The following BFSP2 variants were observed in gnomAD, a reference collection of about 807,000 sequenced individuals.
BFSP2 encodes the protein phakinin.
Under a neutral mutation model 44.9 loss-of-function variants are expected in BFSP2, and 38 were observed. The observed-to-expected ratio is 0.85, with a 90% confidence interval of 0.65 to 1.11. The LOEUF is 1.11. Ranked by LOEUF, BFSP2 falls within the 50% of genes least tolerant of loss-of-function variation. The probability of loss-of-function intolerance (pLI) is 0.00; values close to 1 mark genes in which losing one functional copy is unlikely to be tolerated. For synonymous variants in BFSP2, 197 were observed against 209.9 expected (o/e 0.94, Z 0.53); for missense variants, 525 against 533.0 (o/e 0.99, Z 0.15).
At chr3:133,460,760 A>G (rs142923992) in intron 4 of BFSP2, among the ~76,000 whole-genome samples, 1 of 152,356 alleles carries the variant, frequency 6.6e-6, no homozygotes, top group East Asian at 1.9e-4. Flanking sequence ...ACCTTTCTCC[A>G]TGAACAGCAC....
intron 3 of BFSP2, chr3:133,449,011 A>T: frequency 4.0e-6 from 1 of 249,292 alleles, no homozygotes; most frequent in Non-Finnish European, 7.9e-6. Flanking sequence ...CTGAGGGTAG[A>T]TCCAAGCTGT....
chr3:133,428,482 CA>C lies in BFSP2; in HGVS notation c.490-18824del, dbSNP rs35104282. Among the ~76,000 whole-genome samples, 369 of 147,168 alleles carry C rather than the reference CA, an allele frequency of 2.5e-3. 3 individuals carry two copies. The highest frequency in any genetic ancestry group is 8.5e-3 in the African/African-American group (338 of 39,992). Reference sequence around the variant, plus strand: ...ACGTGGGGACACAAAAAAATAGTTCCAAAAAAAAAAAGAGGATGGGTCAGAG... The same window carrying C: ...ACGTGGGGACACAAAAAAATAGTTCCAAAAAAAAAAGAGGATGGGTCAGAG... On this transcript the variant is annotated intron_variant, in intron 1 of 6. Coordinates refer to ENST00000302334, the MANE Select transcript of BFSP2 (RefSeq NM_003571.4).
intron 1 of BFSP2, among the ~76,000 whole-genome samples, chr3:133,422,822 CAG>C (rs1491354209): frequency 3.6e-5 from 2 of 55,112 alleles, no homozygotes; most frequent in Non-Finnish European, 8.3e-5. Flanking sequence ...ACTGTCCGGA[CAG>C]GGGGGTTGCC....
At chr3:133,454,622 T>C (rs2073996614) in intron 4 of BFSP2, among the ~76,000 whole-genome samples, 1 of 152,140 alleles carries the variant, frequency 6.6e-6, no homozygotes, top group Admixed American at 6.5e-5. Context: ...AAGTAGATAG[T>C]TTGCTAGAAC....
chr3:133,417,302 G>C (rs1346144801), intron 1 of BFSP2, among the ~76,000 whole-genome samples: 1 of 64,030 alleles, frequency 1.6e-5, no homozygotes, highest in Non-Finnish European at 3.0e-5. Context: ...GCTCACCCCT[G>C]TCCTCACCCC....
intron 5 of BFSP2, among the ~76,000 whole-genome samples, chr3:133,471,962 G>A (rs1046271738): frequency 6.6e-6 from 1 of 152,098 alleles, no homozygotes. Flanking sequence ...AAGCCCCGGA[G>A]AACAAGATTT....
chr3:133,472,414 G>T lies in BFSP2; in HGVS notation c.1093G>T (p.Ala365Ser), dbSNP rs767509031. ...WHDMELQNLG[A>S]VVGRLEAELR... ...TGACATGGAGCTCCAGAACCTGGGC[G>T]CTGTGGTCGGCCGGCTGGAGGCGGA... The change falls in exon 6 of 7, where the codon GCT (alanine) becomes TCT (serine). Residue 365 changes from alanine (A) to serine (S), a missense_variant. By Grantham distance (99) the Ala-to-Ser change is moderately conservative. Coordinates refer to ENST00000302334, the MANE Select transcript of BFSP2 (RefSeq NM_003571.4). 6 of 1,614,094 alleles carry T rather than the reference G, an allele frequency of 3.7e-6. No individual in the cohort carries two copies. The Admixed American group carries it at 8.3e-5, about 22-fold the overall frequency.
chr3:133,446,640 A>G (rs1019731353), intron 1 of BFSP2, among the ~76,000 whole-genome samples: 27 of 87,490 alleles, frequency 3.1e-4, no homozygotes, highest in African/African-American at 1.3e-3. Context: ...ATATATATAT[A>G]AAGGAGTTTC....
intron 2 of BFSP2, 44 bp downstream of exon 2, chr3:133,447,443 A>T: frequency 6.3e-7 from 1 of 1,577,892 alleles, no homozygotes; most frequent in South Asian, 1.1e-5. Context: ...ACATCCCTAG[A>T]CTCCTAGGCA....
In BFSP2 at chr3:133,457,302, C is replaced by T. The variant is rs116396280; in HGVS notation, c.891+6838C>T. On this transcript the variant is annotated intron_variant, in intron 4 of 6. Coordinates refer to ENST00000302334, the MANE Select transcript of BFSP2 (RefSeq NM_003571.4). Reference sequence around the variant, plus strand: ...CCGAAGCATCTTCATATCTCTGAATCTCACAGAGAGCTTCACAAAAGGGCC... The same window carrying T: ...CCGAAGCATCTTCATATCTCTGAATTTCACAGAGAGCTTCACAAAAGGGCC... Among the ~76,000 whole-genome samples, 442 of 152,324 alleles carry T rather than the reference C, an allele frequency of 2.9e-3. 4 individuals are homozygous for T. The highest frequency in any genetic ancestry group is 0.01 in the African/African-American group (418 of 41,586).
chr3:133,475,059 C>G lies in BFSP2; in HGVS notation c.*87C>G. Reference sequence around the variant, plus strand: ...TGCTTGAGGAGCTTTCTCCTGAGCTCCAGTCCCTGCTGGATTCCCTGGTTA... The same window carrying G: ...TGCTTGAGGAGCTTTCTCCTGAGCTGCAGTCCCTGCTGGATTCCCTGGTTA... On this transcript the variant is annotated 3_prime_UTR_variant, in exon 7 of 7. Transcript: ENST00000302334. 1 of 1,547,374 alleles carries G rather than the reference C, an allele frequency of 6.5e-7. No individual in the cohort carries two copies.
intron 1 of BFSP2, among the ~76,000 whole-genome samples, chr3:133,402,389 A>C (rs1031907661): frequency 6.6e-6 from 1 of 152,176 alleles, no homozygotes; most frequent in Non-Finnish European, 1.5e-5. Flanking sequence ...TCTGTAGACA[A>C]ATAAGAGCCT....
At chr3:133,426,723 C>A (rs2073657346) in intron 1 of BFSP2, among the ~76,000 whole-genome samples, 1 of 152,208 alleles carries the variant, frequency 6.6e-6, no homozygotes, top group South Asian at 2.1e-4. Context: ...AGCCTAGAAG[C>A]ACATGGCAGA....
chr3:133,447,265 A>T, intron 1 of BFSP2, 52 bp from the exon 2 acceptor site: 1 of 1,596,150 alleles, frequency 6.3e-7, no homozygotes, highest in South Asian at 1.1e-5. Context: ...GTGGTAAGTG[A>T]TCTTGACGCT....
At chr3:133,427,197 A>G (rs2073662287) in intron 1 of BFSP2, among the ~76,000 whole-genome samples, 2 of 152,240 alleles carry the variant, frequency 1.3e-5, no homozygotes, top group African/African-American at 4.8e-5. Flanking sequence ...GCCCTTCTAA[A>G]GAATTTCCAA....
rs149345391 is a variant in BFSP2 at position 133,421,722 on chromosome 3, T to C, written c.489+21150T>C. On this transcript the variant is annotated intron_variant, in intron 1 of 6. Transcript: ENST00000302334. ...TCCTGATTCCCAACATTTTGTCCTG[T>C]TTTGTCAACTGTCATTTAAAAATGT... Among the ~76,000 whole-genome samples, 21 of 152,328 alleles carry C rather than the reference T, an allele frequency of 1.4e-4. No individual in the cohort carries two copies. In the East Asian group the frequency reaches 3.1e-3, roughly 22 times the overall value.
chr3:133,430,689 C>T (rs2107904509), intron 1 of BFSP2, among the ~76,000 whole-genome samples: 1 of 152,214 alleles, frequency 6.6e-6, no homozygotes. Context: ...TCTCTGTTCC[C>T]AATGCAACTC....
rs557628685 is a variant in BFSP2, at chr3:133,456,517, T to G, written c.891+6053T>G. ...GTCCCAGCACTTTGGGAGGTCAAGGTGGGCAGATCGCTTGAGCCCAGGAGT... is the reference window on the plus strand; with the variant it reads ...GTCCCAGCACTTTGGGAGGTCAAGGGGGGCAGATCGCTTGAGCCCAGGAGT... On this transcript the variant is annotated intron_variant, in intron 4 of 6. Transcript: ENST00000302334. Among the ~76,000 whole-genome samples the G allele has an allele frequency of 3.7e-4, 56 of 152,212 alleles. 1 individual carries two copies. Among genetic ancestry groups the G allele is most frequent in the African/African-American group, 1.2e-3 (51 of 41,532 alleles).
intron 5 of BFSP2, among the ~76,000 whole-genome samples, chr3:133,472,144 C>T (rs1425766063): frequency 6.6e-6 from 1 of 152,090 alleles, no homozygotes; most frequent in Non-Finnish European, 1.5e-5. Context: ...GACTAATCCA[C>T]AGTCTGACCT....
Sources: allele counts gnomAD v4.1 joint callset (sites outside exome capture counted in the v4.1 genomes callset), GRCh38; gene constraint gnomAD v4.1.1; transcripts MANE v1.5; gene names NCBI Gene and HGNC (gene_info 2026-07-23, HGNC 2026-07-21).